GOT1: variants seen among roughly 807,000 people sequenced by gnomAD.
The protein encoded by GOT1 is aspartate aminotransferase, cytoplasmic.
GOT1 carries 25 observed loss-of-function variants against 48.2 expected under a neutral mutation model. The observed-to-expected ratio is 0.52, with a 90% confidence interval of 0.38 to 0.72. GOT1 has a LOEUF of 0.72. GOT1 is among the 30% of genes least tolerant of loss of function. GOT1 has a pLI of 0.00. For missense variants in GOT1, 380 were observed against 520.1 expected, an observed-to-expected ratio of 0.73 and a Z score of 2.62; for synonymous variants, 188 against 193.8, an observed-to-expected ratio of 0.97 and a Z score of 0.25.
At chr10:99,429,768 T>C (rs1481747635) in intron 1 of GOT1, among the ~76,000 whole-genome samples, 1 of 152,188 alleles carries the variant, frequency 6.6e-6, no homozygotes, top group African/African-American at 2.4e-5. Flanking sequence ...GAAATGAAGA[T>C]AGGATGTGTG....
At chr10:99,416,704 C>T (rs1216650405) in intron 2 of GOT1, among the ~76,000 whole-genome samples, 1 of 152,216 alleles carries the variant, frequency 6.6e-6, no homozygotes, top group African/African-American at 2.4e-5. Flanking sequence ...GTAACCAAAA[C>T]AGCATGGTAC....
At position 99,397,542 on chromosome 10, in the gene GOT1, T is replaced by G. The variant is rs142360515; in HGVS notation, c.*5A>C. ...CTTTGGTGGTACTGGACGGGTGGTG[T>G]TTCTTCACTGGATTTTGGTGACTGC... On this transcript the variant is annotated 3_prime_UTR_variant, in exon 9 of 9. Transcript: ENST00000370508. The surrounding 1 kb of genome is among the most constrained non-coding windows in gnomAD (Gnocchi z 5.4). 739 of 1,613,736 alleles carry G rather than the reference T, an allele frequency of 4.6e-4. 6 individuals are homozygous for G. In the East Asian group the frequency reaches 0.015, roughly 32 times the overall value.
At chr10:99,410,197 C>T (rs1171072548) in intron 2 of GOT1, among the ~76,000 whole-genome samples, 6 of 152,174 alleles carry the variant, frequency 3.9e-5, no homozygotes, top group Admixed American at 6.5e-5. Context: ...CAAATTGCTA[C>T]CAAGATGATA....
chr10:99,405,699 A>C, intron 5 of GOT1, 57 bp downstream of exon 5: 2 of 857,888 alleles, frequency 2.3e-6, no homozygotes, highest in Non-Finnish European at 2.0e-6. Flanking sequence ...TTGCTTCTAC[A>C]TACATTAAAT....
rs2032752824 is a variant in GOT1, at chr10:99,406,200, G to A, written c.474C>T (p.Ser158=). 6.2e-7 allele frequency: 1 copy of A among 1,613,892 alleles called. No homozygotes were observed. Among genetic ancestry groups the A allele is most frequent in the Admixed American group, 1.7e-5 (1 of 60,000 alleles). The change falls in exon 4 of 9, where the codon TCC becomes TCT. Residue 158 remains serine, a synonymous_variant. Coordinates refer to ENST00000370508, the MANE Select transcript of GOT1 (RefSeq NM_002079.3). ...TCTTCTCTGCATCCCAGTAGCGATA[G>A]GACCGAATGTCTTTAAAACCAGCAG... ...FSAAGFKDIR[S]YRYWDAEKRG...
intron 1 of GOT1, among the ~76,000 whole-genome samples, chr10:99,429,394 T>A (rs965519316): frequency 1.3e-5 from 2 of 151,438 alleles, no homozygotes; most frequent in Non-Finnish European, 2.9e-5. Context: ...AGACAAAACG[T>A]TATCTATGAG....
At chr10:99,402,492 A>C in intron 8 of GOT1, 88 bp downstream of exon 8, 1 of 1,434,774 alleles carries the variant, frequency 7.0e-7, no homozygotes, top group Non-Finnish European at 9.7e-7. Flanking sequence ...AAAGGCTGTG[A>C]AAGTGAGCTC....
intron 2 of GOT1, among the ~76,000 whole-genome samples, chr10:99,409,051 C>T (rs1253959128): frequency 1.3e-5 from 2 of 152,014 alleles, no homozygotes; most frequent in Non-Finnish European, 2.9e-5. Context: ...GATGGATACA[C>T]AGGGATTCAT....
chr10:99,420,845 G>C, intron 1 of GOT1, 40 bp from the exon 2 acceptor site: 1 of 1,504,730 alleles, frequency 6.6e-7, no homozygotes. Flanking sequence ...GGAGGCTCAT[G>C]CTGTGTCCAA....
Position 99,397,474 on chromosome 10 carries a change from A to C in GOT1, c.*73T>G. On this transcript the variant is annotated 3_prime_UTR_variant, in exon 9 of 9. Coordinates refer to ENST00000370508, the MANE Select transcript of GOT1 (RefSeq NM_002079.3). The surrounding 1 kb of genome is among the most constrained non-coding windows in gnomAD (Gnocchi z 5.4). ...AGTGTCTCTAATCCATGGTATGTAC[A>C]TGTAGGTTTGTGCAGGCAGGGAACA... 1.4e-6 allele frequency: 2 copies of C among 1,472,320 alleles called. No homozygotes were observed. Among genetic ancestry groups the C allele is most frequent in the Non-Finnish European group, 1.9e-6 (2 of 1,053,846 alleles). The allele number at this position is 1,472,320 out of a possible 1,614,324, so 91.2% of individuals were successfully genotyped here. A position where few individuals can be genotyped will look rare whatever the true frequency, so the allele number is the denominator to read the frequency against.
rs529100384 is a variant in GOT1, at chr10:99,422,027, G to T, written c.119-1222C>A. 5.3e-5 allele frequency among the ~76,000 whole-genome samples: 8 copies of T among 152,216 alleles called. No individual in the cohort carries two copies. The South Asian group carries it at 1.7e-3, about 32-fold the overall frequency. On this transcript the variant is annotated intron_variant, in intron 1 of 8. Transcript: ENST00000370508. ...TGAGAAGGCGATGAGATTTGATAGG[G>T]GTCAGGAGTAGACTGATATAGTTTG... is the stretch of plus-strand genomic sequence containing the variant.
intron 2 of GOT1, among the ~76,000 whole-genome samples, chr10:99,415,604 C>T (rs961079801): frequency 3.3e-5 from 5 of 152,196 alleles, no homozygotes; most frequent in Admixed American, 2.0e-4. Flanking sequence ...AGGCCAGCAT[C>T]ATCCTGATAC....
At chr10:99,423,611 CAT>C (rs2032998782) in intron 1 of GOT1, among the ~76,000 whole-genome samples, 1 of 152,164 alleles carries the variant, frequency 6.6e-6, no homozygotes, top group African/African-American at 2.4e-5. Flanking sequence ...TCATACCACT[CAT>C]AGTCTACCCT....
intron 2 of GOT1, among the ~76,000 whole-genome samples, chr10:99,413,868 T>G (rs1162287309): frequency 1.3e-5 from 2 of 151,982 alleles, no homozygotes; most frequent in African/African-American, 4.8e-5. Context: ...AGAAATAAAA[T>G]CCTTTACAGA....
At position 99,420,884 on chromosome 10, in the gene GOT1, G is replaced by A; in HGVS notation, c.119-79C>T. 3 of 1,133,874 alleles carry A rather than the reference G, an allele frequency of 2.6e-6. No individual in the cohort carries two copies. In the East Asian group the frequency reaches 7.1e-5, roughly 27 times the overall value. 70.2% of individuals were successfully genotyped at this position (1,133,874 alleles called of 1,614,324 possible). A position where few individuals can be genotyped will look rare whatever the true frequency, so the allele number is the denominator to read the frequency against. Reference sequence around the variant, plus strand: ...AAGAGTTTGTAACTGTGAACCAGGAGAATCCCACCACCTTCCGGTCAAAAC... The same window carrying A: ...AAGAGTTTGTAACTGTGAACCAGGAAAATCCCACCACCTTCCGGTCAAAAC... On this transcript the variant is annotated intron_variant, in intron 1 of 8. Transcript: ENST00000370508.
chr10:99,428,735 G>T (rs755188213), intron 1 of GOT1, among the ~76,000 whole-genome samples: 5 of 152,196 alleles, frequency 3.3e-5, no homozygotes, highest in Admixed American at 6.5e-5. Context: ...GCAAAGAAAC[G>T]CTTGGAGGTT....
chr10:99,402,011 T>C (rs915947635), intron 8 of GOT1, among the ~76,000 whole-genome samples: 2 of 152,020 alleles, frequency 1.3e-5, no homozygotes, highest in Non-Finnish European at 2.9e-5. Context: ...GGTTTCACCA[T>C]GTTAGCCAGG....
chr10:99,398,110 C>T (rs113491247), intron 8 of GOT1, among the ~76,000 whole-genome samples: 11 of 152,314 alleles, frequency 7.2e-5, no homozygotes, highest in Admixed American at 3.3e-4. Flanking sequence ...TTTGACATTT[C>T]ATTTTTACAA....
At chr10:99,402,452 T>C in intron 8 of GOT1, 128 bp downstream of exon 8, 1 of 944,610 alleles carries the variant, frequency 1.1e-6, no homozygotes, top group South Asian at 1.6e-5. Context: ...TAACTTGTCC[T>C]GGTCCAAAGC....
Sources: gnomAD v4.1 joint callset for allele counts (sites outside exome capture counted in the v4.1 genomes callset) on GRCh38, gnomAD v4.1.1 for gene constraint, Gnocchi (gnomAD v3.1) non-coding constraint, MANE v1.5 for transcripts, NCBI Gene and HGNC (gene_info 2026-07-23, HGNC 2026-07-21) for gene names.